ASTN1: variants seen among roughly 807,000 people sequenced by gnomAD.
ASTN1 encodes the protein astrotactin 1, also known as astrotactin-1.
A neutral mutation model predicts 140.7 loss-of-function variants in ASTN1; 41 were observed. The ratio of observed to expected loss-of-function variants is 0.29; its 90% CI spans 0.23 to 0.38. The LOEUF is 0.38. Among genes scored for constraint, ASTN1 ranks in the 10% least tolerant of loss-of-function variants. The pLI is 1.00. For missense variants in ASTN1, 1,479 were observed against 1,678.8 expected, an observed-to-expected ratio of 0.88 and a Z score of 2.08; for synonymous variants, 640 against 652.2, an observed-to-expected ratio of 0.98 and a Z score of 0.29.
Position 177,032,493 on chromosome 1 carries a change from C to T in ASTN1, c.828G>A (p.Gln276=), listed in dbSNP as rs868326789. 1 of 1,614,138 alleles carries T rather than the reference C, an allele frequency of 6.2e-7. No homozygotes were observed. Among genetic ancestry groups the T allele is most frequent in the South Asian group, 1.1e-5 (1 of 91,082 alleles). The change falls in exon 3 of 23, where the codon CAG becomes CAA. Residue 276 remains glutamine (Q), a synonymous_variant. Coordinates refer to ENST00000361833, the MANE Select transcript of ASTN1 (RefSeq NM_004319.3). ...CCATCCCCGACTTTTCATTGCAGCC[C>T]TGCAGGGAGTCGAGGGTGCGCGTGA... The part of the protein sequence containing the change: ...SQVTRTLDSL[Q]GCNEKSGMDL...
chr1:177,134,620 G>A (rs1682099605), intron 1 of ASTN1, among the ~76,000 whole-genome samples: 1 of 152,192 alleles, frequency 6.6e-6, no homozygotes, highest in African/African-American at 2.4e-5. Context: ...ATTGTCTGAT[G>A]TCTGCAAAAA....
chr1:176,882,167 A>G (rs1261126697), intron 20 of ASTN1, among the ~76,000 whole-genome samples: 2 of 152,274 alleles, frequency 1.3e-5, no homozygotes, highest in Non-Finnish European at 2.9e-5. Context: ...TCCAATGGCC[A>G]TGATATAGTT....
chr1:176,959,469 G>A (rs1195428874), intron 9 of ASTN1, among the ~76,000 whole-genome samples: 3 of 151,948 alleles, frequency 2.0e-5, no homozygotes, highest in African/African-American at 7.3e-5. Flanking sequence ...CCCCTCCCCA[G>A]GTTGCCTGAA....
chr1:177,031,693 T>C (rs1044351625), intron 3 of ASTN1, among the ~76,000 whole-genome samples: 13 of 152,202 alleles, frequency 8.5e-5, no homozygotes, highest in African/African-American at 3.1e-4. Context: ...GCATCAAACA[T>C]GTCTTCCTCA....
chr1:176,895,840 GT>G (rs1669479276), intron 16 of ASTN1, among the ~76,000 whole-genome samples: 1 of 152,120 alleles, frequency 6.6e-6, no homozygotes, highest in Non-Finnish European at 1.5e-5. Flanking sequence ...AAAGCACTGG[GT>G]TTCTGAGATT....
rs768323600 is a variant in ASTN1 at position 176,944,029 on chromosome 1, G to T, written c.2250-11C>A. 10 of 1,613,188 alleles carry T rather than the reference G, an allele frequency of 6.2e-6. No individual in the cohort carries two copies. The highest frequency in any genetic ancestry group is 1.3e-5 in the African/African-American group (1 of 74,848). ...GCAAAGTTGTTTTGCCTAGAAAGAGGGTAGACCTTCATTTCTGAGTGTTCA... is the reference window on the plus strand; with the variant it reads ...GCAAAGTTGTTTTGCCTAGAAAGAGTGTAGACCTTCATTTCTGAGTGTTCA... On this transcript the variant is annotated splice_polypyrimidine_tract_variant and intron_variant, in intron 13 of 22. Transcript: ENST00000361833.
chr1:177,047,926 T>C (rs1286019353), intron 2 of ASTN1, among the ~76,000 whole-genome samples: 1 of 152,196 alleles, frequency 6.6e-6, no homozygotes, highest in Non-Finnish European at 1.5e-5. Flanking sequence ...TTGTTCCTTC[T>C]CTTCAACCCT....
At chr1:176,962,395 G>A (rs982965741) in intron 9 of ASTN1, among the ~76,000 whole-genome samples, 1 of 152,158 alleles carries the variant, frequency 6.6e-6, no homozygotes. Context: ...CTGGGTTCAA[G>A]TTTTTAGGAA....
At position 177,030,953 on chromosome 1, in the gene ASTN1, C is replaced by A; in HGVS notation, c.866-1G>T. The A allele has an allele frequency of 6.2e-7, 1 of 1,609,436 alleles. No individual in the cohort carries two copies. The highest frequency in any genetic ancestry group is 8.5e-7 in the Non-Finnish European group (1 of 1,177,388). ...AGTGACAGCTTGGCATTGTCACTTC[C>A]TGTATAAGGAAAAGACGAGGCAAAA... On this transcript the variant is annotated splice_acceptor_variant, in intron 3 of 22. Transcript: ENST00000361833. LOFTEE classifies it high-confidence loss of function.
Position 176,882,981 on chromosome 1 carries a change from G to A in ASTN1, c.3240C>T (p.Ser1080=). 1 of 1,614,148 alleles carries A rather than the reference G, an allele frequency of 6.2e-7. No homozygotes were observed. The highest frequency in any genetic ancestry group is 8.5e-7 in the Non-Finnish European group (1 of 1,180,018). Reference sequence around the variant, plus strand: ...CTCCAGAGATGATGTCGTCCACAAAGCTCAGCACTGTTTCTGCCCAGAGGA... The same window carrying A: ...CTCCAGAGATGATGTCGTCCACAAAACTCAGCACTGTTTCTGCCCAGAGGA... ...HSKVETETVL[S]FVDDIISGAK... is the part of the protein sequence containing the mutation. The change falls in exon 20 of 23, where the codon AGC becomes AGT. Residue 1080 remains serine (S), a synonymous_variant. Coordinates refer to ENST00000361833, the MANE Select transcript of ASTN1 (RefSeq NM_004319.3).
At chr1:176,937,442 C>T (rs1282197171) in intron 14 of ASTN1, among the ~76,000 whole-genome samples, 1 of 152,262 alleles carries the variant, frequency 6.6e-6, no homozygotes, top group Middle Eastern at 3.4e-3. Context: ...TCCAAGGTCA[C>T]TCTCAATAAA....
Position 176,876,522 on chromosome 1 carries a change from T to C in ASTN1, c.3463+15A>G, listed in dbSNP as rs772328200. 1 of 1,613,684 alleles carries C rather than the reference T, an allele frequency of 6.2e-7. No individual in the cohort carries two copies. Among genetic ancestry groups the C allele is most frequent in the African/African-American group, 1.3e-5 (1 of 75,044 alleles). Reference sequence around the variant, plus strand: ...GCATCCCTTCAGAAACACTGCTAACTTCGATGTCTCTTACCTTGAGCCTTG... The same window carrying C: ...GCATCCCTTCAGAAACACTGCTAACCTCGATGTCTCTTACCTTGAGCCTTG... On this transcript the variant is annotated intron_variant, in intron 21 of 22. Coordinates refer to ENST00000361833, the MANE Select transcript of ASTN1 (RefSeq NM_004319.3).
chr1:176,987,076 A>T (rs1673942101), intron 8 of ASTN1, among the ~76,000 whole-genome samples: 1 of 152,252 alleles, frequency 6.6e-6, no homozygotes, highest in South Asian at 2.1e-4. Context: ...CAGTTGAGGG[A>T]GTCAGGGACA....
chr1:177,144,795 C>T (rs1272355209), intron 1 of ASTN1, among the ~76,000 whole-genome samples: 1 of 151,998 alleles, frequency 6.6e-6, no homozygotes, highest in Non-Finnish European at 1.5e-5. Context: ...CCTAGCATCC[C>T]AGTCTGCTGC....
At chr1:176,993,908 T>C (rs1674307530) in intron 8 of ASTN1, among the ~76,000 whole-genome samples, 1 of 152,190 alleles carries the variant, frequency 6.6e-6, no homozygotes, top group Admixed American at 6.5e-5. Flanking sequence ...TATACATTGA[T>C]CTATGTCAAA....
chr1:177,096,477 G>A (rs1228298308), intron 1 of ASTN1, among the ~76,000 whole-genome samples: 4 of 152,118 alleles, frequency 2.6e-5, no homozygotes, highest in Admixed American at 6.6e-5. Context: ...TGAGGGTGGA[G>A]AACTCAAGAA....
At chr1:177,029,147 A>G (rs1006544719) in intron 5 of ASTN1, among the ~76,000 whole-genome samples, 1 of 152,184 alleles carries the variant, frequency 6.6e-6, no homozygotes, top group African/African-American at 2.4e-5. Context: ...TCTACCAGGC[A>G]GGGGCTTAAA....
chr1:177,018,845 G>T (rs1326059040), intron 7 of ASTN1, among the ~76,000 whole-genome samples: 1 of 152,196 alleles, frequency 6.6e-6, no homozygotes, highest in African/African-American at 2.4e-5. Context: ...CGCAGGGAAA[G>T]TCAACCTCTG....
At chr1:177,037,501 CTGTTTTACCCTAGCTG>C (rs2101987106) in intron 2 of ASTN1, among the ~76,000 whole-genome samples, 1 of 152,300 alleles carries the variant, frequency 6.6e-6, no homozygotes, top group African/African-American at 2.4e-5. Flanking sequence ...CTTTGAGTTT[CTGTTTTACCCTAGCTG>C]TGTTCAGAAA....
Sources: allele counts gnomAD v4.1 joint callset (sites outside exome capture counted in the v4.1 genomes callset), GRCh38; gene constraint gnomAD v4.1.1; transcripts MANE v1.5; gene names NCBI Gene and HGNC (gene_info 2026-07-23, HGNC 2026-07-21).